PHKA2: variants seen among roughly 807,000 people sequenced by gnomAD.
The protein encoded by PHKA2 is phosphorylase b kinase regulatory subunit alpha, liver isoform.
Under a neutral mutation model 102.0 loss-of-function variants are expected in PHKA2, and 31 were observed. The ratio of observed to expected loss-of-function variants is 0.30; its 90% CI spans 0.23 to 0.41. The LOEUF is 0.41. Ranked by LOEUF, PHKA2 falls within the 10% of genes least tolerant of loss-of-function variation. The probability of loss-of-function intolerance (pLI) is 1.00; values close to 1 mark genes in which losing one functional copy is unlikely to be tolerated. For synonymous variants in PHKA2, 455 were observed against 416.2 expected, an observed-to-expected ratio of 1.09 and a Z score of -1.13; for missense variants, 858 against 1,023.1, an observed-to-expected ratio of 0.84 and a Z score of 2.20.
chrX:18,931,796 G>A (rs745431783), intron 11 of PHKA2, 48 bp from the exon 12 acceptor site: 33 of 852,698 alleles, frequency 3.9e-5, no homozygotes, highest in Non-Finnish European at 5.1e-5. Flanking sequence ...GGATAAAATG[G>A]CCATGATACC....
At chrX:18,972,243 C>T (rs897404397) in intron 1 of PHKA2, among the ~76,000 whole-genome samples, 5 of 112,217 alleles carry the variant, frequency 4.5e-5, no homozygotes, top group African/African-American at 1.6e-4. Flanking sequence ...TTCTTGAGGT[C>T]TTTCCTCTTT....
intron 1 of PHKA2, among the ~76,000 whole-genome samples, chrX:18,968,244 AT>A (rs1289640957): frequency 1.8e-5 from 2 of 111,418 alleles, no homozygotes; most frequent in Non-Finnish European, 3.8e-5. Flanking sequence ...AATTAAAAAA[AT>A]TTTTTTTCAA....
At chrX:18,974,792 C>T (rs2049063099) in intron 1 of PHKA2, among the ~76,000 whole-genome samples, 1 of 111,260 alleles carries the variant, frequency 9.0e-6, no homozygotes, top group Non-Finnish European at 1.9e-5. Flanking sequence ...CTCCCGAAGG[C>T]CCCACCGCCT....
In PHKA2 at chrX:18,953,446, A is replaced by G. The variant is rs752623107; in HGVS notation, c.237+808T>C. On this transcript the variant is annotated intron_variant, in intron 2 of 32. Coordinates refer to ENST00000379942, the MANE Select transcript of PHKA2 (RefSeq NM_000292.3). ...AAGATTGCTTTCCTGGAATGGTTCA[A>G]ATTAGAAACGTATTTTTAAGGGAAG... Among the ~76,000 whole-genome samples the G allele has an allele frequency of 2.8e-4, 32 of 112,355 alleles. No homozygotes were observed. In the South Asian group the frequency reaches 0.012, roughly 41 times the overall value.
At chrX:18,954,481 T>C (rs1163673437) in intron 1 of PHKA2, 69 bp from the exon 2 acceptor site, 1 of 1,075,408 alleles carries the variant, frequency 9.3e-7, no homozygotes, top group African/African-American at 1.8e-5. Context: ...CAGATGCTTG[T>C]CCTAACAGGG....
chrX:18,973,395 TTATTA>T (rs759498998), intron 1 of PHKA2, among the ~76,000 whole-genome samples: 342 of 112,334 alleles, frequency 3.0e-3, no homozygotes, highest in Non-Finnish European at 5.5e-3. Flanking sequence ...TTTTTCTTCT[TTATTA>T]ATGTGGTAAA....
At chrX:18,899,142 G>A in intron 29 of PHKA2, 31 bp downstream of exon 29, 1 of 1,171,061 alleles carries the variant, frequency 8.5e-7, no homozygotes, top group African/African-American at 1.7e-5. Flanking sequence ...GAGGAGCGGG[G>A]ACGGACACAA....
chrX:18,972,048 T>C (rs2049025475), intron 1 of PHKA2, among the ~76,000 whole-genome samples: 1 of 113,072 alleles, frequency 8.8e-6, no homozygotes, highest in African/African-American at 3.2e-5. Flanking sequence ...TAAGAAATCA[T>C]TTCCTGTCTC....
chrX:18,921,317 T>C (rs956458231), intron 17 of PHKA2, among the ~76,000 whole-genome samples: 6 of 110,719 alleles, frequency 5.4e-5, no homozygotes, highest in Non-Finnish European at 9.4e-5. Context: ...TAATCCCAGG[T>C]ACTTGAGAGG....
At chrX:18,952,041 A>T (rs1399517373) in intron 3 of PHKA2, among the ~76,000 whole-genome samples, 3 of 109,702 alleles carry the variant, frequency 2.7e-5, no homozygotes, top group African/African-American at 1.0e-4. Context: ...AAGTTACTGA[A>T]AATAATTTTA....
At position 18,924,149 on chromosome X, in the gene PHKA2, T is replaced by C. The variant is rs1260957212; in HGVS notation, c.1715-15A>G. 2 of 1,165,433 alleles carry C rather than the reference T, an allele frequency of 1.7e-6. No individual in the cohort carries two copies. The highest frequency in any genetic ancestry group is 2.2e-5 in the Admixed American group (1 of 45,977). On this transcript the variant is annotated splice_polypyrimidine_tract_variant and intron_variant, in intron 16 of 32. Coordinates refer to ENST00000379942, the MANE Select transcript of PHKA2 (RefSeq NM_000292.3). Reference sequence around the variant, plus strand: ...GCCATCATTTGCTAAGGAAAAAAAGTGATGAATTAGTTTAGTCTGGGCAGA... The same window carrying C: ...GCCATCATTTGCTAAGGAAAAAAAGCGATGAATTAGTTTAGTCTGGGCAGA...
intron 13 of PHKA2, among the ~76,000 whole-genome samples, chrX:18,927,331 A>T (rs1402455010): frequency 7.1e-5 from 8 of 112,271 alleles, no homozygotes; most frequent in Admixed American, 2.8e-4. Context: ...GCTAGGCTGC[A>T]CCTGCTGTAC....
At chrX:18,978,427 C>T (rs1473759276) in intron 1 of PHKA2, among the ~76,000 whole-genome samples, 2 of 111,566 alleles carry the variant, frequency 1.8e-5, no homozygotes, top group Non-Finnish European at 3.8e-5. Flanking sequence ...GTTATATATT[C>T]CAGAGGCCTG....
chrX:18,982,144 A>C (rs925727683), intron 1 of PHKA2, among the ~76,000 whole-genome samples: 3 of 111,799 alleles, frequency 2.7e-5, no homozygotes, highest in African/African-American at 9.8e-5. Flanking sequence ...TCTGCTCTCA[A>C]CTTGAACATC....
intron 1 of PHKA2, among the ~76,000 whole-genome samples, chrX:18,971,487 G>T (rs780974821): frequency 8.9e-6 from 1 of 111,733 alleles, no homozygotes. Flanking sequence ...ATATTTTTTT[G>T]GTTATTCTGG....
At position 18,911,010 on chromosome X, in the gene PHKA2, CTT is replaced by C. The variant is rs11291764; in HGVS notation, c.2138-52_2138-51del. On this transcript the variant is annotated intron_variant, in intron 19 of 32. Transcript: ENST00000379942. ...GTTATTCTGAGGAGGAAGAACAACA[CTT>C]TTTTTTTTTTTGAGACAGAATCTCA... 0.031 allele frequency: 15,224 copies of C among 485,079 alleles called. No individual in the cohort carries two copies. Among genetic ancestry groups the C allele is most frequent in the East Asian group, 0.038 (581 of 15,449 alleles). 40.0% of individuals were successfully genotyped at this position (485,079 alleles called of 1,213,427 possible). A position where few individuals can be genotyped will look rare whatever the true frequency, so the allele number is the denominator to read the frequency against.
intron 26 of PHKA2, among the ~76,000 whole-genome samples, chrX:18,903,723 C>T (rs905886103): frequency 2.7e-5 from 3 of 112,081 alleles, no homozygotes; most frequent in Non-Finnish European, 5.6e-5. Context: ...CACCACCTCT[C>T]ACTCCCAACC....
rs368319311 is a variant in PHKA2 at position 18,924,093 on chromosome X, T to C, written c.1756A>G (p.Ile586Val). The C allele has an allele frequency of 1.5e-5, 18 of 1,205,013 alleles. No homozygotes were observed. The Admixed American group carries it at 1.5e-4, about 10-fold the overall frequency. The stretch of plus-strand genomic sequence containing the variant: ...AAATATCCATCCTCTAGTTTTCTAA[T>C]TGTGGAGAGCACAGCAGAATGAATG... Reference protein sequence around the residue: ...SDIHSAVLSTIRKLEDGYFGG... With the variant: ...SDIHSAVLSTVRKLEDGYFGG... The change falls in exon 17 of 33, where the codon ATT (isoleucine) becomes GTT (valine). Residue 586 changes from isoleucine (I) to valine (V), a missense_variant. This residue lies in a region of PHKA2 where 671 missense variants were observed against 745.2 expected (regional missense o/e 0.90). Transcript: ENST00000379942.
At chrX:18,961,915 C>T (rs1376626164) in intron 1 of PHKA2, among the ~76,000 whole-genome samples, 1 of 109,836 alleles carries the variant, frequency 9.1e-6, no homozygotes, top group Non-Finnish European at 1.9e-5. Flanking sequence ...AGTAATGTCA[C>T]AGGACGGAGG....
Sources: gnomAD v4.1 joint callset for allele counts (sites outside exome capture counted in the v4.1 genomes callset) on GRCh38, gnomAD v4.1.1 for gene constraint, gnomAD v4.1.1 regional missense constraint, MANE v1.5 for transcripts, NCBI Gene and HGNC (gene_info 2026-07-23, HGNC 2026-07-21) for gene names.